MTCL1: variants seen among roughly 807,000 people sequenced by gnomAD.
MTCL1 encodes microtubule cross-linking factor 1.
Under a neutral mutation model 141.4 loss-of-function variants are expected in MTCL1, and 79 were observed. The ratio of observed to expected loss-of-function variants is 0.56; its 90% CI spans 0.47 to 0.67. The LOEUF (loss-of-function observed/expected upper bound fraction) is 0.67, where lower values mean the gene tolerates loss of function less well. Among genes scored for constraint, MTCL1 ranks in the 30% least tolerant of loss-of-function variants. The pLI is 0.00. For missense variants in MTCL1, 2,177 were observed against 2,113.9 expected (o/e 1.03, Z -0.59); for synonymous variants, 914 against 875.8 (o/e 1.04, Z -0.77).
upstream of MTCL1, among the ~76,000 whole-genome samples, chr18:8,713,086 T>G (rs150297168): frequency 1.1e-4 from 16 of 152,322 alleles, no homozygotes; most frequent in East Asian, 2.5e-3. Flanking sequence ...ATAATTTTAA[T>G]CTTGGTTTAC....
At chr18:8,735,309 T>A (rs2096269887) in intron 4 of MTCL1, among the ~76,000 whole-genome samples, 1 of 152,168 alleles carries the variant, frequency 6.6e-6, no homozygotes, top group African/African-American at 2.4e-5. Context: ...CAGTTTCTTT[T>A]CTCCTCTGTC....
chr18:8,759,919 C>A (rs1295613347), intron 4 of MTCL1, among the ~76,000 whole-genome samples: 2 of 151,964 alleles, frequency 1.3e-5, no homozygotes, highest in Non-Finnish European at 2.9e-5. Context: ...GCCCCAGGGG[C>A]TCATGCTCAT....
upstream of MTCL1, among the ~76,000 whole-genome samples, chr18:8,715,042 C>T (rs62085577): frequency 5.9e-5 from 9 of 152,280 alleles, no homozygotes; most frequent in African/African-American, 7.2e-5. Flanking sequence ...GTGATCCGCC[C>T]GCCTCGGCCT....
intron 4 of MTCL1, among the ~76,000 whole-genome samples, chr18:8,724,176 G>T (rs1457580200): frequency 5.3e-5 from 8 of 152,132 alleles, no homozygotes; most frequent in African/African-American, 1.9e-4. Context: ...TTGGGAGGCC[G>T]AGGTGGGTGG....
At chr18:8,722,746 G>T (rs1340018956) in intron 4 of MTCL1, among the ~76,000 whole-genome samples, 1 of 152,022 alleles carries the variant, frequency 6.6e-6, no homozygotes, top group Non-Finnish European at 1.5e-5. Context: ...GAGTATAAGT[G>T]GACTTTCACA....
chr18:8,815,474 G>T (rs1255112735), intron 12 of MTCL1, among the ~76,000 whole-genome samples: 1 of 151,950 alleles, frequency 6.6e-6, no homozygotes, highest in African/African-American at 2.4e-5. Flanking sequence ...CTGTTGTGGG[G>T]TGCGGGGAGG....
intron 12 of MTCL1, among the ~76,000 whole-genome samples, chr18:8,817,972 G>A (rs77050146): frequency 1.7e-3 from 253 of 152,318 alleles, no homozygotes; most frequent in African/African-American, 4.3e-3. Context: ...GAGGGAGGCC[G>A]TGCGCCCTGC....
chr18:8,828,910 C>T lies in MTCL1; in HGVS notation c.4725C>T (p.Asn1575=). ...CTTTCTCTGTCTGTTCTGTCCAGAA[C>T]CAAACTGTCTTGCTAACTGCCCCCT... Residue 1575 remains asparagine, a splice_region_variant and synonymous_variant, in exon 16 of 17, where the codon AAC becomes AAT. Coordinates refer to ENST00000359865, the Ensembl canonical transcript of MTCL1. This position sits in a 1 kb window ranked among gnomAD's most constrained non-coding sequence, Gnocchi z 5.2. 2 of 1,614,236 alleles carry T rather than the reference C, an allele frequency of 1.2e-6. No homozygotes were observed. The highest frequency in any genetic ancestry group is 1.7e-6 in the Non-Finnish European group (2 of 1,180,036).
exon 15 of MTCL1, chr18:8,824,849 C>G (rs1270801010): frequency 1.2e-6 from 2 of 1,614,130 alleles, no homozygotes; most frequent in Non-Finnish European, 1.7e-6. Context: ...AGGAGTTCAA[C>G]AAGAGCTGGG....
intron 4 of MTCL1, among the ~76,000 whole-genome samples, chr18:8,739,778 C>T (rs1397585349): frequency 1.3e-5 from 2 of 152,156 alleles, no homozygotes; most frequent in Admixed American, 1.3e-4. Context: ...TGTCACCAGG[C>T]TGGAGTGCAG....
exon 17 of MTCL1, chr18:8,831,714 T>C (rs546374499): frequency 1.3e-6 from 2 of 1,550,636 alleles, no homozygotes; most frequent in South Asian, 1.2e-5. Flanking sequence ...ATTCCCCCAC[T>C]GCCTCACAGC....
At chr18:8,757,591 C>G (rs938131476) in intron 4 of MTCL1, among the ~76,000 whole-genome samples, 4 of 152,176 alleles carry the variant, frequency 2.6e-5, no homozygotes, top group Admixed American at 6.5e-5. Flanking sequence ...GTGAGGAGAC[C>G]CCGGCAGGGA....
exon 17 of MTCL1, chr18:8,831,776 C>T (rs763670304): frequency 1.1e-5 from 17 of 1,549,406 alleles, no homozygotes; most frequent in Middle Eastern, 1.7e-4. Flanking sequence ...GGCGAGGAGC[C>T]GCCCGAGGAG....
intron 5 of MTCL1, among the ~76,000 whole-genome samples, chr18:8,781,078 G>A (rs1468377232): frequency 6.6e-6 from 1 of 151,354 alleles, no homozygotes; most frequent in East Asian, 1.9e-4. Context: ...GAGGCAGGGG[G>A]CAGGAGAATT....
At chr18:8,821,484 A>T in exon 14 of MTCL1, 1 of 1,429,916 alleles carries the variant, frequency 7.0e-7, no homozygotes. Context: ...AAAATCACAA[A>T]GGAAATCTTC....
At chr18:8,818,742 A>T (rs2076743750) in intron 12 of MTCL1, among the ~76,000 whole-genome samples, 1 of 152,378 alleles carries the variant, frequency 6.6e-6, no homozygotes, top group East Asian at 1.9e-4. Context: ...TACGTGGTTA[A>T]TGCAGATTTT....
At chr18:8,767,155 C>A (rs1178813376) in intron 4 of MTCL1, among the ~76,000 whole-genome samples, 2 of 152,188 alleles carry the variant, frequency 1.3e-5, no homozygotes, top group African/African-American at 4.8e-5. Context: ...CAGAAAGTTA[C>A]CCCCTCCTCT....
rs201927020 is a variant in MTCL1 at position 8,786,014 on chromosome 18, G to T, written c.1810G>T (p.Ala604Ser). 8.3e-5 allele frequency: 132 copies of T among 1,584,184 alleles called. No homozygotes were observed. In the South Asian group the frequency reaches 1.3e-3, roughly 16 times the overall value. The change falls in exon 7 of 17, where the codon GCG (alanine) becomes TCG (serine). Residue 604 changes from alanine (A) to serine (S), a missense_variant. Transcript: ENST00000359865. Reference sequence around the variant, plus strand: ...GCGGGAGAGCCTGCGCCTCCGAGCCGCGCGGGAGCTGCACCGCCGCGCAGA... The same window carrying T: ...GCGGGAGAGCCTGCGCCTCCGAGCCTCGCGGGAGCTGCACCGCCGCGCAGA...
At chr18:8,825,464 G>A (rs967007800) in exon 15 of MTCL1, 1 of 1,603,068 alleles carries the variant, frequency 6.2e-7, no homozygotes, top group African/African-American at 1.3e-5. Flanking sequence ...GGACGATGGG[G>A]ACCCAGACTG....
Sources: gnomAD v4.1 joint callset for allele counts (sites outside exome capture counted in the v4.1 genomes callset) on GRCh38, gnomAD v4.1.1 for gene constraint, Gnocchi (gnomAD v3.1) non-coding constraint, MANE v1.5 for transcripts, NCBI Gene and HGNC (gene_info 2026-07-23, HGNC 2026-07-21) for gene names.